RBM12B: variants seen among roughly 807,000 people sequenced by gnomAD.
RBM12B encodes RNA binding motif protein 12B, also known as RNA-binding protein 12B.
Under a neutral mutation model 34.3 loss-of-function variants are expected in RBM12B, and 10 were observed. The observed-to-expected ratio is 0.29, with a 90% CI of 0.18 to 0.49. RBM12B has a LOEUF of 0.49. Ranked by LOEUF, RBM12B falls within the 20% of genes least tolerant of loss-of-function variation. The pLI, the probability that RBM12B is intolerant of heterozygous loss-of-function variation, is 0.99. For synonymous variants in RBM12B, 477 were observed against 437.1 expected, an observed-to-expected ratio of 1.09 and a Z score of -1.14; for missense variants, 1,139 against 1,262.7, an observed-to-expected ratio of 0.90 and a Z score of 1.48.
At position 93,729,913 on chromosome 8, in the gene RBM12B, T is replaced by C. The variant is rs1338379593; in HGVS notation, c.*3492A>G. 1 of 152,222 alleles carries C rather than the reference T, an allele frequency of 6.6e-6. No homozygotes were observed. Among genetic ancestry groups the C allele is most frequent in the African/African-American group, 2.4e-5 (1 of 41,470 alleles). 9.4% of individuals were successfully genotyped at this position (152,222 alleles called of 1,614,324 possible). On this transcript the variant is annotated 3_prime_UTR_variant, in exon 4 of 4. Coordinates refer to ENST00000520560, the MANE Select transcript of RBM12B (RefSeq NM_001377960.1). Reference sequence around the variant, plus strand: ...AGGAATACAAATTGAGTATCCTTTATCTGAAGTGCTTGGGACCAGAAGTAT... The same window carrying C: ...AGGAATACAAATTGAGTATCCTTTACCTGAAGTGCTTGGGACCAGAAGTAT...
chr8:93,735,661 A>C lies in RBM12B; in HGVS notation c.750T>G (p.Ser250=). The C allele has an allele frequency of 1.2e-6, 2 of 1,614,060 alleles. No individual in the cohort carries two copies. The highest frequency in any genetic ancestry group is 1.7e-6 in the Non-Finnish European group (2 of 1,179,962). Reference sequence around the variant, plus strand: ...TTCCTCTTGGTGGAGAATGTTCTTCAGATCTCCTAAGAACGTCACCCTCCT... The same window carrying C: ...TTCCTCTTGGTGGAGAATGTTCTTCCGATCTCCTAAGAACGTCACCCTCCT... The part of the protein sequence containing the change: ...AVKEGDVLRR[S]EEHSPPRGIN... Residue 250 remains serine, a synonymous_variant, in exon 4 of 4, where the codon TCT becomes TCG. Transcript: ENST00000520560.
rs1436784228 is a variant in RBM12B at position 93,734,433 on chromosome 8, T to C, written c.1978A>G (p.Arg660Gly). 6.2e-7 allele frequency: 1 copy of C among 1,605,524 alleles called. No homozygotes were observed. Among genetic ancestry groups the C allele is most frequent in the Non-Finnish European group, 8.5e-7 (1 of 1,175,106 alleles). ...DFRQPPEEDLRWLPEEDFRRP... is the reference protein window; with the variant it reads ...DFRQPPEEDLGWLPEEDFRRP... ...CTGAAATCTTCCTCTGGGAGCCACC[T>C]TAAGTCCTCCTCAGGGGGTTGCCTG... The change falls in exon 4 of 4, where the codon AGG (arginine) becomes GGG (glycine). Residue 660 changes from arginine (R) to glycine (G), a missense_variant. By Grantham distance (125) the Arg-to-Gly change is moderately radical (BLOSUM62 -2). Coordinates refer to ENST00000520560, the MANE Select transcript of RBM12B (RefSeq NM_001377960.1).
intron 2 of RBM12B, among the ~76,000 whole-genome samples, chr8:93,739,605 C>G (rs1812130317): frequency 6.6e-6 from 1 of 152,186 alleles, no homozygotes; most frequent in South Asian, 2.1e-4. Context: ...TCCAGAAATT[C>G]AACTCTTAAC....
At chr8:93,738,828 A>G (rs1019980970) in intron 2 of RBM12B, 1 of 152,138 alleles carries the variant, frequency 6.6e-6, no homozygotes, top group African/African-American at 2.4e-5. Flanking sequence ...ACTTACACTT[A>G]AGTACCACTG....
In RBM12B at chr8:93,734,447, G is replaced by T; in HGVS notation, c.1964C>A (p.Pro655His). 1 of 1,606,090 alleles carries T rather than the reference G, an allele frequency of 6.2e-7. No individual in the cohort carries two copies. The highest frequency in any genetic ancestry group is 8.5e-7 in the Non-Finnish European group (1 of 1,175,180). Residue 655 changes from proline (P) to histidine (H), a missense_variant, in exon 4 of 4, where the codon CCT becomes CAT. This residue lies in a region of RBM12B where 863 missense variants were observed against 869.5 expected (regional missense o/e 0.99). Coordinates refer to ENST00000520560, the MANE Select transcript of RBM12B (RefSeq NM_001377960.1). Reference protein sequence around the residue: ...QLPEEDFRQPPEEDLRWLPEE... With the variant: ...QLPEEDFRQPHEEDLRWLPEE... ...TGGGAGCCACCTTAAGTCCTCCTCA[G>T]GGGGTTGCCTGAAGTCCTCCTCGGG...
Position 93,735,138 on chromosome 8 carries a change from G to C in RBM12B, c.1273C>G (p.Leu425Val), listed in dbSNP as rs1243938318. 1 of 1,614,064 alleles carries C rather than the reference G, an allele frequency of 6.2e-7. No individual in the cohort carries two copies. The highest frequency in any genetic ancestry group is 8.5e-7 in the Non-Finnish European group (1 of 1,180,020). Residue 425 changes from leucine (L) to valine (V), a missense_variant, in exon 4 of 4, where the codon CTT becomes GTT. By Grantham distance (32) the Leu-to-Val change is conservative. Coordinates refer to ENST00000520560, the MANE Select transcript of RBM12B (RefSeq NM_001377960.1). ...AGCAAGTAAATGTCATCCTCAGCAA[G>C]AAGAAAGTCTGCAAAGAACTTCTGC... ...EVQKFFADFL[L>V]AEDDIYLLYD...
intron 2 of RBM12B, chr8:93,740,084 T>G (rs1812148350): frequency 5.7e-6 from 2 of 353,692 alleles, no homozygotes; most frequent in African/African-American, 4.3e-5. Context: ...ATGTAGCATA[T>G]TCACACTCTA....
chr8:93,732,239 A>G lies in RBM12B; in HGVS notation c.*1166T>C, dbSNP rs1811817916. On this transcript the variant is annotated 3_prime_UTR_variant, in exon 4 of 4. Transcript: ENST00000520560. ...CTCACAGGGAATACCGAGATTATGCATGTAAAGTGCTTACAGTGCCTAGCA... is the reference window on the plus strand; with the variant it reads ...CTCACAGGGAATACCGAGATTATGCGTGTAAAGTGCTTACAGTGCCTAGCA... 1 of 152,260 alleles carries G rather than the reference A, an allele frequency of 6.6e-6. No homozygotes were observed. The highest frequency in any genetic ancestry group is 1.5e-5 in the Non-Finnish European group (1 of 68,042). The allele number at this position is 152,260 out of a possible 1,614,324, so 9.4% of individuals were successfully genotyped here.
Position 93,734,855 on chromosome 8 carries a change from T to C in RBM12B, c.1556A>G (p.Tyr519Cys), listed in dbSNP as rs1811961176. 1.2e-6 allele frequency: 2 copies of C among 1,614,064 alleles called. No individual in the cohort carries two copies. Among genetic ancestry groups the C allele is most frequent in the Non-Finnish European group, 1.7e-6 (2 of 1,180,002 alleles). Reference protein sequence around the residue: ...HLFDSKDPPIYSVGAFENFRH... With the variant: ...HLFDSKDPPICSVGAFENFRH... ...AAAGTTTTCAAAAGCACCAACTGAG[T>C]ATATTGGTGGGTCTTTTGAGTCAAA... Residue 519 changes from tyrosine (Y) to cysteine (C), a missense_variant, in exon 4 of 4, where the codon TAC becomes TGC. Physicochemically the swap from Tyr to Cys is radical, Grantham distance 194. Coordinates refer to ENST00000520560, the MANE Select transcript of RBM12B (RefSeq NM_001377960.1).
intron 3 of RBM12B, 98 bp from the exon 4 acceptor site, chr8:93,736,536 A>G: frequency 1.1e-6 from 1 of 915,744 alleles, no homozygotes; most frequent in Non-Finnish European, 1.5e-6. Flanking sequence ...TTTCTTCAAC[A>G]TTTATAAATG....
intron 2 of RBM12B, among the ~76,000 whole-genome samples, chr8:93,739,951 ATAAG>A (rs1812142696): frequency 6.6e-6 from 1 of 152,240 alleles, no homozygotes; most frequent in Admixed American, 6.5e-5. Flanking sequence ...CAGAATTTAA[ATAAG>A]TAATATCTCA....
chr8:93,733,368 T>G lies in RBM12B; in HGVS notation c.*37A>C. 6.7e-7 allele frequency: 1 copy of G among 1,491,854 alleles called. No individual in the cohort carries two copies. Among genetic ancestry groups the G allele is most frequent in the Non-Finnish European group, 8.9e-7 (1 of 1,120,312 alleles). 92.4% of individuals were successfully genotyped at this position (1,491,854 alleles called of 1,614,324 possible). A position where few individuals can be genotyped will look rare whatever the true frequency, so the allele number is the denominator to read the frequency against. ...CAAATGTATTTTACTCCATCAATAC[T>G]GCAAGGAAGATAACTGAATTTAGAA... On this transcript the variant is annotated 3_prime_UTR_variant, in exon 4 of 4. Coordinates refer to ENST00000520560, the MANE Select transcript of RBM12B (RefSeq NM_001377960.1).
chr8:93,734,160 G>A lies in RBM12B; in HGVS notation c.2251C>T (p.Pro751Ser). The A allele has an allele frequency of 1.9e-6, 3 of 1,571,220 alleles. No individual in the cohort carries two copies. Among genetic ancestry groups the A allele is most frequent in the Non-Finnish European group, 2.6e-6 (3 of 1,159,638 alleles). The change falls in exon 4 of 4, where the codon CCC (proline) becomes TCC (serine). Residue 751 changes from proline (P) to serine (S), a missense_variant. By Grantham distance (74) the Pro-to-Ser change is moderately conservative. Coordinates refer to ENST00000520560, the MANE Select transcript of RBM12B (RefSeq NM_001377960.1). ...RPPPEHFRRPPPEHFRRPPPE... is the reference protein window; with the variant it reads ...RPPPEHFRRPSPEHFRRPPPE... ...GGTGGCCGCCGGAAGTGCTCTGGGG[G>A]AGGCCGCCTAAAATGCTCTGGAGGT...
intron 2 of RBM12B, among the ~76,000 whole-genome samples, chr8:93,738,781 A>G (rs1812102545): frequency 6.6e-6 from 1 of 152,170 alleles, no homozygotes; most frequent in African/African-American, 2.4e-5. Flanking sequence ...CATGTCTTTA[A>G]TGTACAAATA....
chr8:93,740,327 G>C, intron 2 of RBM12B: 2 of 457,252 alleles, frequency 4.4e-6, no homozygotes, highest in Non-Finnish European at 8.8e-6. Context: ...CAAAGCCTTT[G>C]TCCACAACTC....
Position 93,729,396 on chromosome 8 carries a change from T to C in RBM12B, c.*4009A>G, listed in dbSNP as rs767486737. The C allele has an allele frequency of 1.3e-5, 2 of 152,142 alleles. No homozygotes were observed. The highest frequency in any genetic ancestry group is 2.9e-5 in the Non-Finnish European group (2 of 67,996). 9.4% of individuals were successfully genotyped at this position (152,142 alleles called of 1,614,324 possible). On this transcript the variant is annotated 3_prime_UTR_variant, in exon 4 of 4. Coordinates refer to ENST00000520560, the MANE Select transcript of RBM12B (RefSeq NM_001377960.1). ...TGATATTCTTAAGAAACTCAAGATA[T>C]CATTGGATATTTACTGCTTCCTCAC...
Sources: allele counts gnomAD v4.1 joint callset (sites outside exome capture counted in the v4.1 genomes callset), GRCh38; gene constraint gnomAD v4.1.1; regional missense constraint gnomAD v4.1.1; transcripts MANE v1.5; gene names NCBI Gene and HGNC (gene_info 2026-07-23, HGNC 2026-07-21).